Variants in MAF1 observed in about 807,000 individuals in gnomAD.
MAF1 encodes the protein MAF1 negative regulator of RNA polymerase III, also known as repressor of RNA polymerase III transcription MAF1 homolog.
Under a neutral mutation model 31.9 loss-of-function variants are expected in MAF1, and 7 were observed. That is an observed-to-expected ratio of 0.22 (90% CI 0.12 to 0.41). The LOEUF (loss-of-function observed/expected upper bound fraction) is 0.41. Ranked by LOEUF, MAF1 falls within the 10% of genes least tolerant of loss-of-function variation. The pLI is 1.00. For missense variants in MAF1, 221 were observed against 323.1 expected (o/e 0.68, Z 2.42); for synonymous variants, 157 against 120.0 (o/e 1.31, Z -2.02).
Position 144,106,102 on chromosome 8 carries a change from A to G in MAF1, c.239A>G (p.Glu80Gly). Residue 80 changes from glutamate (E) to glycine (G), a missense_variant, in exon 4 of 8, where the codon GAG becomes GGG. Glu to Gly is a moderately conservative substitution (Grantham distance 98, BLOSUM62 -2). Coordinates refer to ENST00000322428, the MANE Select transcript of MAF1 (RefSeq NM_032272.5). ...SRLSKSQGGE[E>G]EGPLSDKCSR... is the part of the protein sequence containing the mutation. ...CTCAGCAAAAGCCAAGGCGGTGAGG[A>G]GGAGGGCCCCCTCAGTGACAAGTGC... is the stretch of plus-strand genomic sequence containing the variant. The G allele has an allele frequency of 6.2e-7, 1 of 1,613,654 alleles. No homozygotes were observed. The highest frequency in any genetic ancestry group is 8.5e-7 in the Non-Finnish European group (1 of 1,180,010).
chr8:144,107,208 C>A lies in MAF1; in HGVS notation c.*99C>A. 6.9e-7 allele frequency: 1 copy of A among 1,439,216 alleles called. No individual in the cohort carries two copies. The highest frequency in any genetic ancestry group is 1.2e-5 in the South Asian group (1 of 81,738). The allele number at this position is 1,439,216 out of a possible 1,614,324, so 89.2% of individuals were successfully genotyped here. On this transcript the variant is annotated 3_prime_UTR_variant, in exon 8 of 8. Coordinates refer to ENST00000322428, the MANE Select transcript of MAF1 (RefSeq NM_032272.5). ...GGGCCTCCCCAGCTGCTGGCCAGAC[C>A]CTGGCGCTGCCACAGTCCTGGCACT...
rs755303502 is a variant in MAF1, at chr8:144,106,382, C to T, written c.418C>T (p.Arg140Trp). 1.9e-6 allele frequency: 3 copies of T among 1,613,928 alleles called. No individual in the cohort carries two copies. Among genetic ancestry groups the T allele is most frequent in the Non-Finnish European group, 2.5e-6 (3 of 1,180,028 alleles). ...CAACTGCAGTCTGTTCTCAGCTGTG[C>T]GGGAGGACTTCAAGGATCTGAAACC... is the stretch of plus-strand genomic sequence containing the variant. Reference protein sequence around the residue: ...AVNCSLFSAVREDFKDLKPQL... With the variant: ...AVNCSLFSAVWEDFKDLKPQL... Residue 140 changes from arginine to tryptophan, a missense_variant, in exon 5 of 8, where the codon CGG (arginine) becomes TGG (tryptophan). This residue lies in a region of MAF1 where 146 missense variants were observed against 263.1 expected (regional missense o/e 0.56). Coordinates refer to ENST00000322428, the MANE Select transcript of MAF1 (RefSeq NM_032272.5).
In MAF1 at chr8:144,107,589, C is replaced by T; in HGVS notation, c.*480C>T. On this transcript the variant is annotated 3_prime_UTR_variant, in exon 8 of 8. Coordinates refer to ENST00000322428, the MANE Select transcript of MAF1 (RefSeq NM_032272.5). ...TCACTTTGCTGCAGCTCGTTTCTTT[C>T]CAATAAAAGTTTCTGTGACTTAGTG... 3.5e-6 allele frequency: 2 copies of T among 568,996 alleles called. No homozygotes were observed. The highest frequency in any genetic ancestry group is 1.9e-5 in the South Asian group (1 of 51,580). 35.2% of individuals were successfully genotyped at this position (568,996 alleles called of 1,614,324 possible).
In MAF1 at chr8:144,104,542, G is replaced by C. The variant is rs1366467860; in HGVS notation, c.-361G>C. Reference sequence around the variant, plus strand: ...GCGGAGGTCGCTCGCTCGCTCGCTCGGCTCGCTGACTCGCCGGAGCGCTCT... The same window carrying C: ...GCGGAGGTCGCTCGCTCGCTCGCTCCGCTCGCTGACTCGCCGGAGCGCTCT... On this transcript the variant is annotated 5_prime_UTR_variant, in exon 1 of 8. Transcript: ENST00000322428. The C allele has an allele frequency of 6.6e-6, 1 of 152,156 alleles. No homozygotes were observed. The highest frequency in any genetic ancestry group is 2.4e-5 in the African/African-American group (1 of 41,432). 9.4% of individuals were successfully genotyped at this position (152,156 alleles called of 1,614,324 possible).
rs770838568 is a variant in MAF1 at position 144,106,222 on chromosome 8, G to A, written c.359G>A (p.Arg120Gln). 3.7e-6 allele frequency: 6 copies of A among 1,613,634 alleles called. No homozygotes were observed. The highest frequency in any genetic ancestry group is 2.2e-5 in the East Asian group (1 of 44,900). Residue 120 changes from arginine (R) to glutamine (Q), a missense_variant, in exon 4 of 8, where the codon CGG becomes CAG. Arg to Gln is a conservative substitution (Grantham distance 43). This residue lies in a region of MAF1 where 146 missense variants were observed against 263.1 expected (regional missense o/e 0.56). Transcript: ENST00000322428. ...ACAGCCCGCAGCCATGAGTTCAGCC[G>A]GGAGCCCAGCCTTAGCTGGGTGAGG... ...FSTARSHEFS[R>Q]EPSLSWVVNA...
At position 144,106,859 on chromosome 8, in the gene MAF1, G is replaced by A. The variant is rs748822013; in HGVS notation, c.645G>A (p.Glu215=). 3.3e-6 allele frequency: 5 copies of A among 1,532,026 alleles called. No homozygotes were observed. In the Admixed American group the frequency reaches 1.1e-4, roughly 32 times the overall value. The allele number at this position is 1,532,026 out of a possible 1,614,324, so 94.9% of individuals were successfully genotyped here. ...SISGSTYTPS[E]AGNELDMELG... is the part of the protein sequence containing the mutation. Reference sequence around the variant, plus strand: ...GTGGCTCCACCTACACACCCTCAGAGGCAGGCAACGAGCTGGACATGGAGC... The same window carrying A: ...GTGGCTCCACCTACACACCCTCAGAAGCAGGCAACGAGCTGGACATGGAGC... Residue 215 remains glutamate, a synonymous_variant, in exon 7 of 8, where the codon GAG becomes GAA. Transcript: ENST00000322428.
rs757564638 is a variant in MAF1 at position 144,106,826 on chromosome 8, T to C, written c.621-9T>C. The C allele has an allele frequency of 2.0e-6, 3 of 1,534,488 alleles. No individual in the cohort carries two copies. Among genetic ancestry groups the C allele is most frequent in the Non-Finnish European group, 2.6e-6 (3 of 1,141,916 alleles). ...GGGTCCTGAAACTGGTTTCCCTGCCTCCCCTCAGTGGCTCCACCTACACAC... is the reference window on the plus strand; with the variant it reads ...GGGTCCTGAAACTGGTTTCCCTGCCCCCCCTCAGTGGCTCCACCTACACAC... On this transcript the variant is annotated splice_polypyrimidine_tract_variant and intron_variant, in intron 6 of 7. Coordinates refer to ENST00000322428, the MANE Select transcript of MAF1 (RefSeq NM_032272.5).
In MAF1 at chr8:144,107,261, T is replaced by G; in HGVS notation, c.*152T>G. ...CCAAGGCCATACCTGCCTAGCCCTT[T>G]GGCTCCATCCTGTGGATGCCCACTC... On this transcript the variant is annotated 3_prime_UTR_variant, in exon 8 of 8. Transcript: ENST00000322428. 1 of 1,015,492 alleles carries G rather than the reference T, an allele frequency of 9.8e-7. No individual in the cohort carries two copies. The allele number at this position is 1,015,492 out of a possible 1,614,324, so 62.9% of individuals were successfully genotyped here.
Position 144,106,268 on chromosome 8 carries a change from C to T in MAF1, c.378+27C>T, listed in dbSNP as rs200964129. On this transcript the variant is annotated intron_variant, in intron 4 of 7. Transcript: ENST00000322428. ...TGAGGGTCAGGTGGAGGGAAGGGAC[C>T]CACAGCCACCCCACTGTCCTTCCCC... is the stretch of plus-strand genomic sequence containing the variant. The T allele has an allele frequency of 1.4e-5, 23 of 1,613,328 alleles. No individual in the cohort carries two copies. In the East Asian group the frequency reaches 5.1e-4, roughly 36 times the overall value.
At chr8:144,105,841 G>A (rs1836401970) in intron 2 of MAF1, 28 bp from the exon 3 acceptor site, 1 of 1,612,934 alleles carries the variant, frequency 6.2e-7, no homozygotes, top group Non-Finnish European at 8.5e-7. Flanking sequence ...GGGGAAGCAT[G>A]CTTCATGGTT....
rs1836396495 is a variant in MAF1 at position 144,105,639 on chromosome 8, G to A, written c.-44-1G>A. Reference sequence around the variant, plus strand: ...CCATGGTCTGGTCTCTCACTCCCCAGGCAATACTAGCCCCTCTGGAGCACG... The same window carrying A: ...CCATGGTCTGGTCTCTCACTCCCCAAGCAATACTAGCCCCTCTGGAGCACG... On this transcript the variant is annotated splice_acceptor_variant, in intron 1 of 7. Transcript: ENST00000322428. LOFTEE classifies it low-confidence loss of function (5UTR_SPLICE). The A allele has an allele frequency of 6.4e-7, 1 of 1,563,518 alleles. No homozygotes were observed.
chr8:144,105,424 G>A, intron 1 of MAF1: 1 of 538,392 alleles, frequency 1.9e-6, no homozygotes, highest in Non-Finnish European at 3.4e-6. Flanking sequence ...TCTGCAGGGG[G>A]TATGGCTGAC....
Position 144,105,724 on chromosome 8 carries a change from C to T in MAF1, c.41C>T (p.Ser14Leu). 6.2e-7 allele frequency: 1 copy of T among 1,613,412 alleles called. No individual in the cohort carries two copies. The highest frequency in any genetic ancestry group is 1.1e-5 in the South Asian group (1 of 91,080). Residue 14 changes from serine (S) to leucine (L), a missense_variant, in exon 2 of 8, where the codon TCA becomes TTA. By Grantham distance (145) the Ser-to-Leu change is moderately radical (BLOSUM62 -2). Coordinates refer to ENST00000322428, the MANE Select transcript of MAF1 (RefSeq NM_032272.5). ...AACTCGAGCTTTGAAGCCATCAACTCACAGCTGACTGTGGAGACTGGAGAT... is the reference window on the plus strand; with the variant it reads ...AACTCGAGCTTTGAAGCCATCAACTTACAGCTGACTGTGGAGACTGGAGAT... ...LENSSFEAIN[S>L]QLTVETGDAH...
rs1040332931 is a variant in MAF1, at chr8:144,104,753, C to T, written c.-150C>T. 2.6e-5 allele frequency: 4 copies of T among 152,426 alleles called. No homozygotes were observed. The highest frequency in any genetic ancestry group is 5.9e-5 in the Non-Finnish European group (4 of 68,244). The allele number at this position is 152,426 out of a possible 1,614,324, so 9.4% of individuals were successfully genotyped here. ...GCGCCGCCCTCCGATCTTGAAGAGC[C>T]CGCGCTGCGCGGAGCCCGCCCCCGC... On this transcript the variant is annotated 5_prime_UTR_variant, in exon 1 of 8. Coordinates refer to ENST00000322428, the MANE Select transcript of MAF1 (RefSeq NM_032272.5).
At position 144,107,195 on chromosome 8, in the gene MAF1, C is replaced by G; in HGVS notation, c.*86C>G. ...TGAGAGGCCCCTGGGGCCTCCCCAG[C>G]TGCTGGCCAGACCCTGGCGCTGCCA... On this transcript the variant is annotated 3_prime_UTR_variant, in exon 8 of 8. Transcript: ENST00000322428. 2 of 1,503,222 alleles carry G rather than the reference C, an allele frequency of 1.3e-6. No individual in the cohort carries two copies. The highest frequency in any genetic ancestry group is 2.8e-5 in the African/African-American group (2 of 72,206). 93.1% of individuals were successfully genotyped at this position (1,503,222 alleles called of 1,614,324 possible).
At position 144,106,887 on chromosome 8, in the gene MAF1, G is replaced by C. The variant is rs771127212; in HGVS notation, c.673G>C (p.Gly225Arg). Reference protein sequence around the residue: ...EAGNELDMELGEEEVEEESRS... With the variant: ...EAGNELDMELREEEVEEESRS... ...AGGCAACGAGCTGGACATGGAGCTG[G>C]GGGAGGAGGAGGTGGAGGAAGAAAG... is the stretch of plus-strand genomic sequence containing the variant. Residue 225 changes from glycine (G) to arginine (R), a missense_variant, in exon 7 of 8, where the codon GGG becomes CGG. Transcript: ENST00000322428. The C allele has an allele frequency of 1.3e-6, 2 of 1,532,978 alleles. No individual in the cohort carries two copies. Among genetic ancestry groups the C allele is most frequent in the Non-Finnish European group, 1.8e-6 (2 of 1,142,644 alleles). 95.0% of individuals were successfully genotyped at this position (1,532,978 alleles called of 1,614,324 possible).
intron 1 of MAF1, chr8:144,105,396 G>A (rs1364081778): frequency 4.3e-6 from 2 of 470,042 alleles, no homozygotes; most frequent in East Asian, 3.9e-5. Flanking sequence ...GTCTAGTCTA[G>A]TCCCAGAACT....
In MAF1 at chr8:144,106,829, C is replaced by T; in HGVS notation, c.621-6C>T. On this transcript the variant is annotated splice_region_variant and splice_polypyrimidine_tract_variant and intron_variant, in intron 6 of 7. Coordinates refer to ENST00000322428, the MANE Select transcript of MAF1 (RefSeq NM_032272.5). Reference sequence around the variant, plus strand: ...TCCTGAAACTGGTTTCCCTGCCTCCCCTCAGTGGCTCCACCTACACACCCT... The same window carrying T: ...TCCTGAAACTGGTTTCCCTGCCTCCTCTCAGTGGCTCCACCTACACACCCT... 1.3e-6 allele frequency: 2 copies of T among 1,535,116 alleles called. No homozygotes were observed. Among genetic ancestry groups the T allele is most frequent in the Non-Finnish European group, 1.8e-6 (2 of 1,142,238 alleles).
At chr8:144,105,432 G>A in intron 1 of MAF1, 1 of 551,418 alleles carries the variant, frequency 1.8e-6, no homozygotes, top group Non-Finnish European at 3.3e-6. Flanking sequence ...GGGTATGGCT[G>A]ACCTGGAGCC....
Sources: gnomAD v4.1 joint callset for allele counts on GRCh38, gnomAD v4.1.1 for gene constraint, gnomAD v4.1.1 regional missense constraint, MANE v1.5 for transcripts, NCBI Gene and HGNC (gene_info 2026-07-23, HGNC 2026-07-21) for gene names.